MRAP2: variants seen among roughly 807,000 people sequenced by gnomAD.
MRAP2 encodes the protein melanocortin 2 receptor accessory protein 2.
MRAP2 carries 20 observed loss-of-function variants against 17.4 expected under a neutral mutation model. The observed-to-expected ratio is 1.15, with a 90% confidence interval of 0.81 to 1.67. The LOEUF is 1.67. MRAP2 is among the 40% of genes most tolerant of loss of function. MRAP2 has a pLI of 0.00. For synonymous variants in MRAP2, 96 were observed against 88.4 expected (o/e 1.09, Z -0.48); for missense variants, 238 against 240.0 (o/e 0.99, Z 0.05).
intron 1 of MRAP2, 53 bp from the exon 2 acceptor site, chr6:84,055,259 G>A: frequency 6.4e-7 from 1 of 1,570,032 alleles, no homozygotes; most frequent in South Asian, 1.2e-5. Flanking sequence ...AGGTAACTGT[G>A]CAGCTCTGGA....
At chr6:84,036,518 GT>G (rs2099486027) in intron 1 of MRAP2, among the ~76,000 whole-genome samples, 1 of 152,134 alleles carries the variant, frequency 6.6e-6, no homozygotes, top group South Asian at 2.1e-4. Flanking sequence ...CTTCTGGTGG[GT>G]TTGTGGTCTC....
chr6:84,107,004 C>T, the MRAP2 span, among the ~76,000 whole-genome samples: 3 of 152,120 alleles, frequency 2.0e-5, no homozygotes, highest in African/African-American at 4.8e-5. Context: ...GCTGTAAAAT[C>T]GTAAAGGCTT....
intron 1 of MRAP2, among the ~76,000 whole-genome samples, chr6:84,049,813 T>C (rs1045672890): frequency 3.9e-5 from 6 of 152,120 alleles, no homozygotes; most frequent in Admixed American, 3.9e-4. Flanking sequence ...AGGCAGGAAA[T>C]AGATACATCC....
the MRAP2 span, among the ~76,000 whole-genome samples, chr6:84,101,507 C>T: frequency 6.6e-6 from 1 of 152,188 alleles, no homozygotes; most frequent in Non-Finnish European, 1.5e-5. Flanking sequence ...ATGGTTTCCC[C>T]TGTGAGCAGT....
chr6:84,125,544 T>G, the MRAP2 span, among the ~76,000 whole-genome samples: 1 of 152,212 alleles, frequency 6.6e-6, no homozygotes, highest in South Asian at 2.1e-4. Flanking sequence ...ATAATGAATG[T>G]TAAATGAGAT....
intron 1 of MRAP2, among the ~76,000 whole-genome samples, chr6:84,050,504 T>C (rs1194264750): frequency 6.6e-6 from 1 of 152,224 alleles, no homozygotes; most frequent in Admixed American, 6.5e-5. Context: ...ACCATTGTTC[T>C]GTGCAAGGAG....
At chr6:84,096,162 C>G in the MRAP2 span, among the ~76,000 whole-genome samples, 1 of 152,026 alleles carries the variant, frequency 6.6e-6, no homozygotes, top group East Asian at 1.9e-4. Flanking sequence ...TGTTTTTCTC[C>G]ATCCCTCGTC....
chr6:84,071,092 T>A (rs913165185), intron 3 of MRAP2, among the ~76,000 whole-genome samples: 2 of 151,884 alleles, frequency 1.3e-5, no homozygotes, highest in Non-Finnish European at 2.9e-5. Flanking sequence ...AGAGGTACCA[T>A]TGCATTCATG....
the MRAP2 span, among the ~76,000 whole-genome samples, chr6:84,100,834 T>A: frequency 2.0e-5 from 3 of 152,116 alleles, no homozygotes; most frequent in Non-Finnish European, 4.4e-5. Context: ...TCTGTCTGCT[T>A]GAAAAACTAG....
chr6:84,037,573 G>A (rs1387289958), intron 1 of MRAP2, among the ~76,000 whole-genome samples: 3 of 148,906 alleles, frequency 2.0e-5, no homozygotes, highest in Non-Finnish European at 1.5e-5. Flanking sequence ...AGCCCACCAC[G>A]GGGTGGGGGG....
At chr6:84,050,961 G>A (rs2099490264) in intron 1 of MRAP2, among the ~76,000 whole-genome samples, 1 of 152,180 alleles carries the variant, frequency 6.6e-6, no homozygotes. Context: ...TCAGTTGTGT[G>A]CATGTTTGTG....
chr6:84,059,983 G>T (rs1466676050), intron 2 of MRAP2, among the ~76,000 whole-genome samples: 1 of 152,118 alleles, frequency 6.6e-6, no homozygotes, highest in Non-Finnish European at 1.5e-5. Context: ...GATGAGATGG[G>T]GATCTCTGAT....
the MRAP2 span, among the ~76,000 whole-genome samples, chr6:84,117,643 GTGTGTGT>G: frequency 2.5e-5 from 3 of 119,382 alleles, no homozygotes; most frequent in African/African-American, 8.7e-5. Flanking sequence ...TGGATGTGGG[GTGTGTGT>G]CTGTGTGTGT....
intron 3 of MRAP2, among the ~76,000 whole-genome samples, chr6:84,071,704 T>G (rs2099496232): frequency 6.6e-6 from 1 of 152,212 alleles, no homozygotes; most frequent in Non-Finnish European, 1.5e-5. Flanking sequence ...CTCTTCTTCC[T>G]CAGGAACACC....
intron 3 of MRAP2, among the ~76,000 whole-genome samples, chr6:84,083,000 A>T (rs973358469): frequency 2.2e-4 from 33 of 152,216 alleles, no homozygotes; most frequent in Non-Finnish European, 2.9e-4. Context: ...TATCTAAAAA[A>T]AGTTCAAATG....
chr6:84,084,376 C>T (rs1474261624), intron 3 of MRAP2, among the ~76,000 whole-genome samples: 1 of 152,130 alleles, frequency 6.6e-6, no homozygotes, highest in Non-Finnish European at 1.5e-5. Context: ...AAGATTTTGA[C>T]TTGTTTGATC....
At chr6:84,057,812 G>A (rs557144345) in intron 2 of MRAP2, among the ~76,000 whole-genome samples, 1 of 152,160 alleles carries the variant, frequency 6.6e-6, no homozygotes, top group African/African-American at 2.4e-5. Context: ...ATAGAGTGGG[G>A]GTAAAGGGAT....
chr6:84,063,033 G>A (rs369515276), intron 3 of MRAP2, 41 bp downstream of exon 3: 3 of 1,612,930 alleles, frequency 1.9e-6, no homozygotes, highest in East Asian at 2.2e-5. Context: ...AAGCCTCACA[G>A]GAGACTGAGG....
At chr6:84,056,105 G>A (rs2129165101) in intron 2 of MRAP2, among the ~76,000 whole-genome samples, 1 of 152,314 alleles carries the variant, frequency 6.6e-6, no homozygotes, top group South Asian at 2.1e-4. Context: ...AGTTAACATG[G>A]TAGGCAGGAA....
Sources: allele counts gnomAD v4.1 joint callset (sites outside exome capture counted in the v4.1 genomes callset), GRCh38; gene constraint gnomAD v4.1.1; transcripts MANE v1.5; gene names NCBI Gene and HGNC (gene_info 2026-07-23, HGNC 2026-07-21).